LRP1B: variants seen among roughly 807,000 people sequenced by gnomAD.
LRP1B encodes the protein low-density lipoprotein receptor-related protein 1B.
In LRP1B, 217 loss-of-function variants were observed where a neutral mutation model predicts 556.6. The ratio of observed to expected loss-of-function variants is 0.39; its 90% CI spans 0.35 to 0.44. The LOEUF (loss-of-function observed/expected upper bound fraction) is 0.44. Ranked by LOEUF, LRP1B falls within the 20% of genes least tolerant of loss-of-function variation. The pLI, the probability that LRP1B is intolerant of heterozygous loss-of-function variation, is 1.00. For synonymous variants in LRP1B, 2,047 were observed against 1,865.8 expected (o/e 1.10, Z -2.50); for missense variants, 5,053 against 5,620.8 (o/e 0.90, Z 3.23).
intron 1 of LRP1B, among the ~76,000 whole-genome samples, chr2:141,916,344 T>A (rs888714849): frequency 7.4e-6 from 1 of 135,404 alleles, no homozygotes; most frequent in Admixed American, 8.0e-5. Context: ...ACCACACGTT[T>A]TCACTTATTT....
intron 2 of LRP1B, among the ~76,000 whole-genome samples, chr2:141,684,876 A>G (rs1255886135): frequency 6.6e-6 from 1 of 152,032 alleles, no homozygotes; most frequent in Non-Finnish European, 1.5e-5. Flanking sequence ...CAGACTCCCA[A>G]AATTATACAG....
chr2:141,645,474 T>A (rs919944058), intron 2 of LRP1B, among the ~76,000 whole-genome samples: 1 of 149,258 alleles, frequency 6.7e-6, no homozygotes, highest in African/African-American at 2.5e-5. Context: ...CAAGGCTTTT[T>A]TTTTTTTTTT....
intron 45 of LRP1B, among the ~76,000 whole-genome samples, chr2:140,537,861 G>A (rs544924137): frequency 6.6e-6 from 1 of 152,188 alleles, no homozygotes; most frequent in Non-Finnish European, 1.5e-5. Flanking sequence ...GGTCTCTATT[G>A]AGGACAATGG....
chr2:141,089,892 A>G (rs1432094985), intron 7 of LRP1B, among the ~76,000 whole-genome samples: 2 of 152,250 alleles, frequency 1.3e-5, no homozygotes, highest in African/African-American at 4.8e-5. Context: ...AAGTGATAAC[A>G]GCAAAGGGAC....
At chr2:142,051,624 C>T (rs1704461722) in intron 1 of LRP1B, among the ~76,000 whole-genome samples, 3 of 151,792 alleles carry the variant, frequency 2.0e-5, no homozygotes, top group Admixed American at 1.3e-4. Context: ...CTATAGGCAC[C>T]CACCTCCATG....
chr2:141,020,137 T>C (rs1477199115), intron 11 of LRP1B, 35 bp from the exon 12 acceptor site: 2 of 1,383,824 alleles, frequency 1.4e-6, no homozygotes, highest in Non-Finnish European at 1.9e-6. Context: ...AGAAATTGCT[T>C]TTACAACTAT....
chr2:141,934,081 A>T (rs1194351732), intron 1 of LRP1B, among the ~76,000 whole-genome samples: 2 of 152,224 alleles, frequency 1.3e-5, no homozygotes, highest in Non-Finnish European at 2.9e-5. Context: ...GCAATCAATT[A>T]TAAAATAGCC....
At chr2:141,885,890 G>C (rs1211391149) in intron 1 of LRP1B, among the ~76,000 whole-genome samples, 1 of 152,186 alleles carries the variant, frequency 6.6e-6, no homozygotes, top group Non-Finnish European at 1.5e-5. Flanking sequence ...GTAAAGAAGA[G>C]TAACGGTTGC....
At chr2:141,692,445 C>G (rs969231322) in intron 2 of LRP1B, among the ~76,000 whole-genome samples, 3 of 152,016 alleles carry the variant, frequency 2.0e-5, no homozygotes, top group African/African-American at 7.2e-5. Flanking sequence ...ATTCTTTGTT[C>G]CACTTAACCA....
chr2:141,830,207 T>G (rs537402885), intron 1 of LRP1B, among the ~76,000 whole-genome samples: 1 of 151,966 alleles, frequency 6.6e-6, no homozygotes, highest in Non-Finnish European at 1.5e-5. Context: ...GCAGACTACT[T>G]ATAGAAGAAA....
intron 41 of LRP1B, among the ~76,000 whole-genome samples, chr2:140,670,353 C>T (rs114169551): frequency 0.014 from 2,078 of 152,168 alleles, 40 homozygotes; most frequent in Admixed American, 0.046. Context: ...GAAAGAAAAG[C>T]GGTCAAGTAG....
intron 31 of LRP1B, among the ~76,000 whole-genome samples, chr2:140,822,647 G>C (rs1691366995): frequency 6.6e-6 from 1 of 152,184 alleles, no homozygotes; most frequent in Non-Finnish European, 1.5e-5. Context: ...AAAGTCAACT[G>C]CTGTGTCCTA....
At chr2:141,686,657 A>C (rs1322548170) in intron 2 of LRP1B, among the ~76,000 whole-genome samples, 11 of 151,880 alleles carry the variant, frequency 7.2e-5, no homozygotes. Context: ...ATATATTCCC[A>C]ATCTTATGGT....
At chr2:140,520,169 C>T (rs4641876) in intron 49 of LRP1B, among the ~76,000 whole-genome samples, 114,885 of 152,012 alleles carry the variant, frequency 0.76, 44,004 homozygotes, top group Middle Eastern at 0.88. Context: ...ATGTTTATTG[C>T]GGCACTATTC....
chr2:140,407,783 A>G (rs1185023929), intron 66 of LRP1B, among the ~76,000 whole-genome samples: 4 of 152,054 alleles, frequency 2.6e-5, no homozygotes, highest in South Asian at 2.1e-4. Flanking sequence ...TTCCTTAAAG[A>G]ACTAAGAACA....
intron 3 of LRP1B, among the ~76,000 whole-genome samples, chr2:141,411,232 A>G (rs973982402): frequency 1.3e-5 from 2 of 152,102 alleles, no homozygotes; most frequent in South Asian, 2.1e-4. Context: ...AGCCTATCAT[A>G]TAACTGAAAC....
At chr2:141,727,379 A>G (rs1693078914) in intron 2 of LRP1B, among the ~76,000 whole-genome samples, 1 of 152,142 alleles carries the variant, frequency 6.6e-6, no homozygotes, top group Non-Finnish European at 1.5e-5. Context: ...CTTTCCTTAC[A>G]TCAGATTTCT....
At chr2:142,121,259 CCTT>C (rs1707448626) in intron 1 of LRP1B, among the ~76,000 whole-genome samples, 1 of 152,258 alleles carries the variant, frequency 6.6e-6, no homozygotes, top group African/African-American at 2.4e-5. Flanking sequence ...CCCTTCTTGT[CCTT>C]CTTTTCAGAC....
At chr2:140,614,255 T>C (rs1683182036) in intron 41 of LRP1B, among the ~76,000 whole-genome samples, 1 of 152,104 alleles carries the variant, frequency 6.6e-6, no homozygotes, top group African/African-American at 2.4e-5. Flanking sequence ...ATCAAATCTA[T>C]CCAAATTTTT....
Sources: allele counts gnomAD v4.1 joint callset (sites outside exome capture counted in the v4.1 genomes callset), GRCh38; gene constraint gnomAD v4.1.1; transcripts MANE v1.5; gene names NCBI Gene and HGNC (gene_info 2026-07-23, HGNC 2026-07-21).